RAPGEF1: variants seen among roughly 807,000 people sequenced by gnomAD.
RAPGEF1 encodes Rap guanine nucleotide exchange factor 1.
In RAPGEF1, 33 loss-of-function variants were observed where a neutral mutation model predicts 143.3. That is an observed-to-expected ratio of 0.23 (90% CI 0.17 to 0.31). The LOEUF is 0.31. Among genes scored for constraint, RAPGEF1 ranks in the 10% least tolerant of loss-of-function variants. The pLI is 1.00. For missense variants in RAPGEF1, 1,199 were observed against 1,645.4 expected (o/e 0.73, Z 4.69); for synonymous variants, 629 against 676.5 (o/e 0.93, Z 1.09).
chr9:131,728,542 G>T (rs1026686076), intron 1 of RAPGEF1, among the ~76,000 whole-genome samples: 1 of 152,262 alleles, frequency 6.6e-6, no homozygotes, highest in East Asian at 1.9e-4. Context: ...GCATGCACTG[G>T]GATATGTGTA....
At chr9:131,690,610 G>A (rs1833718419) in intron 1 of RAPGEF1, among the ~76,000 whole-genome samples, 1 of 151,852 alleles carries the variant, frequency 6.6e-6, no homozygotes, top group South Asian at 2.1e-4. Context: ...AACAGCCTGG[G>A]CAACATGGCA....
intron 1 of RAPGEF1, among the ~76,000 whole-genome samples, chr9:131,728,928 A>G (rs983917354): frequency 1.3e-5 from 2 of 152,190 alleles, no homozygotes; most frequent in African/African-American, 2.4e-5. Context: ...GATTTTCCCC[A>G]TTTTACAGAT....
intron 1 of RAPGEF1, among the ~76,000 whole-genome samples, chr9:131,710,179 TC>T (rs1384283660): frequency 2.0e-5 from 3 of 151,926 alleles, no homozygotes; most frequent in African/African-American, 7.3e-5. Flanking sequence ...TATTTCAGAG[TC>T]CCACGCTCAG....
Position 131,579,358 on chromosome 9 carries a change from G to C in RAPGEF1, c.*139C>G. On this transcript the variant is annotated 3_prime_UTR_variant, in exon 27 of 27. Coordinates refer to ENST00000683357, the MANE Select transcript of RAPGEF1 (RefSeq NM_001377935.1). ...GGCTGGCAGGCTCCAGCTCCCGCCC[G>C]GCCCCGCTGAGGGCTGGCCAGCCTC... is the stretch of plus-strand genomic sequence containing the variant. 1.6e-6 allele frequency: 2 copies of C among 1,244,260 alleles called. No homozygotes were observed. The highest frequency in any genetic ancestry group is 1.5e-5 in the South Asian group (1 of 66,616). The allele number at this position is 1,244,260 out of a possible 1,614,324, so 77.1% of individuals were successfully genotyped here.
intron 5 of RAPGEF1, among the ~76,000 whole-genome samples, chr9:131,633,137 A>G (rs151176438): frequency 1.4e-3 from 215 of 152,340 alleles, no homozygotes; most frequent in African/African-American, 4.9e-3. Flanking sequence ...AAGAAAGGAG[A>G]ACCTTAATAC....
At chr9:131,596,797 T>C (rs1369055279) in intron 16 of RAPGEF1, among the ~76,000 whole-genome samples, 1 of 152,186 alleles carries the variant, frequency 6.6e-6, no homozygotes, top group Non-Finnish European at 1.5e-5. Context: ...GCAGCAGGAC[T>C]ATTTCTAAGC....
chr9:131,678,073 G>A (rs1395255240), intron 1 of RAPGEF1, among the ~76,000 whole-genome samples: 1 of 152,182 alleles, frequency 6.6e-6, no homozygotes, highest in Non-Finnish European at 1.5e-5. Context: ...CGCAAACCAC[G>A]GAGCTAATGT....
chr9:131,590,542 A>G (rs1179388516), intron 18 of RAPGEF1, among the ~76,000 whole-genome samples: 1 of 152,100 alleles, frequency 6.6e-6, no homozygotes, highest in African/African-American at 2.4e-5. Flanking sequence ...GCAGCACTTC[A>G]AGCACCCGAT....
In RAPGEF1 at chr9:131,621,739, G is replaced by C; in HGVS notation, c.1905+57C>G. ...CCTGCCCCCAAGGAGGGTCATTCTG[G>C]TTCCTAGAGACCTGCTAGGATCGGA... On this transcript the variant is annotated intron_variant, in intron 11 of 26. Transcript: ENST00000683357. This position sits in a 1 kb window ranked among gnomAD's most constrained non-coding sequence, Gnocchi z 4.5. The C allele has an allele frequency of 6.6e-7, 1 of 1,512,694 alleles. No individual in the cohort carries two copies. Among genetic ancestry groups the C allele is most frequent in the Admixed American group, 1.9e-5 (1 of 51,306 alleles). 93.7% of individuals were successfully genotyped at this position (1,512,694 alleles called of 1,614,324 possible). A position where few individuals can be genotyped will look rare whatever the true frequency, so the allele number is the denominator to read the frequency against.
At chr9:131,654,932 A>T (rs569555328) in intron 1 of RAPGEF1, among the ~76,000 whole-genome samples, 1 of 152,366 alleles carries the variant, frequency 6.6e-6, no homozygotes, top group South Asian at 2.1e-4. Context: ...TACGCAATGG[A>T]AAAATAAATA....
intron 12 of RAPGEF1, among the ~76,000 whole-genome samples, chr9:131,606,678 T>C (rs768860783): frequency 2.8e-4 from 43 of 152,188 alleles, no homozygotes; most frequent in Non-Finnish European, 5.6e-4. Context: ...AGACAGGGTC[T>C]CACTCTGTCA....
At chr9:131,694,981 T>C (rs1834050172) in intron 1 of RAPGEF1, among the ~76,000 whole-genome samples, 1 of 122,956 alleles carries the variant, frequency 8.1e-6, no homozygotes, top group South Asian at 3.2e-4. Flanking sequence ...CCGTGTGTGA[T>C]GTTCCCCTTC....
Position 131,588,122 on chromosome 9 carries a change from C to T in RAPGEF1, c.3054-96G>A, listed in dbSNP as rs112115552. On this transcript the variant is annotated intron_variant, in intron 20 of 26. Transcript: ENST00000683357. The stretch of plus-strand genomic sequence containing the variant: ...GCTGCGGGCGTCAGAGCAGGAGAGC[C>T]TCTCTGCCCAGCAGGAGCGTGGAGG... The T allele has an allele frequency of 1.7e-3, 1,863 of 1,073,220 alleles. 19 individuals are homozygous for T. In the African/African-American group the frequency reaches 0.026, roughly 15 times the overall value. The allele number at this position is 1,073,220 out of a possible 1,614,324, so 66.5% of individuals were successfully genotyped here.
chr9:131,706,410 G>A (rs904886837), intron 1 of RAPGEF1, among the ~76,000 whole-genome samples: 3 of 151,940 alleles, frequency 2.0e-5, no homozygotes, highest in Non-Finnish European at 4.4e-5. Flanking sequence ...CTACTTGCGC[G>A]CGCCACCATG....
intron 3 of RAPGEF1, among the ~76,000 whole-genome samples, chr9:131,644,792 C>T (rs993660924): frequency 1.3e-5 from 2 of 151,666 alleles, no homozygotes; most frequent in East Asian, 1.9e-4. Flanking sequence ...AGTGACACAC[C>T]GTCTCAATTA....
chr9:131,657,777 C>G (rs1252125117), intron 1 of RAPGEF1, among the ~76,000 whole-genome samples: 1 of 152,204 alleles, frequency 6.6e-6, no homozygotes, highest in African/African-American at 2.4e-5. Flanking sequence ...CCTCTACAGC[C>G]ACATCTCTTC....
intron 1 of RAPGEF1, among the ~76,000 whole-genome samples, chr9:131,658,297 C>T (rs572736222): frequency 6.6e-5 from 10 of 152,140 alleles, no homozygotes; most frequent in African/African-American, 2.2e-4. Flanking sequence ...GGTTGCCAGA[C>T]ATGCAAACTT....
At chr9:131,599,581 G>A (rs1423810994) in intron 15 of RAPGEF1, among the ~76,000 whole-genome samples, 1 of 152,088 alleles carries the variant, frequency 6.6e-6, no homozygotes, top group Non-Finnish European at 1.5e-5. Context: ...GAGGCTTGCA[G>A]TACTGAGCCT....
chr9:131,650,305 G>T lies in RAPGEF1; in HGVS notation c.202-63C>A. On this transcript the variant is annotated intron_variant, in intron 2 of 26. Coordinates refer to ENST00000683357, the MANE Select transcript of RAPGEF1 (RefSeq NM_001377935.1). The surrounding 1 kb of genome is among the most constrained non-coding windows in gnomAD (Gnocchi z 4.7). ...AATGGCTGTTTGAGGCCGAAGGGAG[G>T]GGTTGATGAAAGTCAATAGCTGTTT... 7.6e-7 allele frequency: 1 copy of T among 1,314,816 alleles called. No individual in the cohort carries two copies. The highest frequency in any genetic ancestry group is 2.3e-5 in the East Asian group (1 of 42,556). 81.4% of individuals were successfully genotyped at this position (1,314,816 alleles called of 1,614,324 possible). A position where few individuals can be genotyped will look rare whatever the true frequency, so the allele number is the denominator to read the frequency against.
Sources: gnomAD v4.1 joint callset for allele counts (sites outside exome capture counted in the v4.1 genomes callset) on GRCh38, gnomAD v4.1.1 for gene constraint, Gnocchi (gnomAD v3.1) non-coding constraint, MANE v1.5 for transcripts, NCBI Gene and HGNC (gene_info 2026-07-23, HGNC 2026-07-21) for gene names.